The following SLC24A2 variants were observed in gnomAD, a reference collection of about 807,000 sequenced individuals.
SLC24A2 encodes the protein sodium/potassium/calcium exchanger 2.
In SLC24A2, 36 loss-of-function variants were observed where a neutral mutation model predicts 62.0. The observed-to-expected ratio is 0.58, with a 90% CI of 0.44 to 0.77. The LOEUF (loss-of-function observed/expected upper bound fraction) is 0.77. Among genes scored for constraint, SLC24A2 ranks in the 30% least tolerant of loss-of-function variants. The probability of loss-of-function intolerance (pLI) is 0.00; values close to 1 mark genes in which losing one functional copy is unlikely to be tolerated. For missense variants in SLC24A2, 846 were observed against 817.9 expected (o/e 1.03, Z -0.42); for synonymous variants, 358 against 294.0 (o/e 1.22, Z -2.23).
the SLC24A2 span, among the ~76,000 whole-genome samples, chr9:19,977,641 T>C: frequency 6.6e-6 from 1 of 152,198 alleles, no homozygotes; most frequent in African/African-American, 2.4e-5. Flanking sequence ...GCTGGACTCT[T>C]GATATTTCCT....
the SLC24A2 span, among the ~76,000 whole-genome samples, chr9:19,822,345 A>G: frequency 6.6e-6 from 1 of 152,164 alleles, no homozygotes; most frequent in South Asian, 2.1e-4. Flanking sequence ...GTGCTGGCTT[A>G]GACTAAAAAT....
chr9:19,729,664 G>C (rs1287932850), intron 2 of SLC24A2, among the ~76,000 whole-genome samples: 6 of 152,092 alleles, frequency 3.9e-5, no homozygotes. Flanking sequence ...GAAAAAAAGG[G>C]GGTGATCTCA....
chr9:19,898,531 A>G, the SLC24A2 span, among the ~76,000 whole-genome samples: 1 of 152,246 alleles, frequency 6.6e-6, no homozygotes, highest in African/African-American at 2.4e-5. Context: ...TCACGAGGTC[A>G]GGAGATTGAG....
chr9:19,751,473 G>A (rs560226908), intron 2 of SLC24A2, among the ~76,000 whole-genome samples: 61 of 152,258 alleles, frequency 4.0e-4, no homozygotes, highest in Middle Eastern at 6.8e-3. Flanking sequence ...AATTTTTGGT[G>A]GGCTGGGACC....
At chr9:19,726,904 T>C (rs1341807594) in intron 2 of SLC24A2, among the ~76,000 whole-genome samples, 3 of 152,202 alleles carry the variant, frequency 2.0e-5, no homozygotes, top group Non-Finnish European at 2.9e-5. Flanking sequence ...GGGTACATTT[T>C]GTTTTTTCCT....
chr9:19,661,368 C>T (rs1210668030), intron 2 of SLC24A2, among the ~76,000 whole-genome samples: 2 of 152,172 alleles, frequency 1.3e-5, no homozygotes, highest in African/African-American at 4.8e-5. Context: ...TCATTGACAT[C>T]TCTGCATAAA....
At chr9:20,277,759 A>T in the SLC24A2 span, among the ~76,000 whole-genome samples, 45 of 152,306 alleles carry the variant, frequency 3.0e-4, no homozygotes, top group African/African-American at 1.0e-3. Flanking sequence ...GGATTATAAA[A>T]CATGCTGCTA....
chr9:20,240,875 T>C, the SLC24A2 span, among the ~76,000 whole-genome samples: 3 of 152,176 alleles, frequency 2.0e-5, no homozygotes, highest in African/African-American at 7.2e-5. Context: ...GGAAGGTCTC[T>C]CATAACCAGT....
intron 2 of SLC24A2, among the ~76,000 whole-genome samples, chr9:19,678,202 C>T (rs1474491290): frequency 6.6e-6 from 1 of 152,140 alleles, no homozygotes; most frequent in East Asian, 1.9e-4. Context: ...TAACGGAAGC[C>T]CTCCATGGCT....
intron 7 of SLC24A2, among the ~76,000 whole-genome samples, chr9:19,569,049 G>A (rs1835760647): frequency 6.6e-6 from 1 of 152,118 alleles, no homozygotes; most frequent in Admixed American, 6.6e-5. Context: ...TACATGAAGA[G>A]CTTCTCATTC....
chr9:19,808,173 A>G, the SLC24A2 span, among the ~76,000 whole-genome samples: 498 of 152,336 alleles, frequency 3.3e-3, 3 homozygotes, highest in African/African-American at 1.0e-2. The surrounding 1 kb of genome is among the most constrained non-coding windows in gnomAD (Gnocchi z 4.1). Flanking sequence ...GTAGTTAAAC[A>G]TAGATTGTGC....
At chr9:19,825,835 C>A in the SLC24A2 span, among the ~76,000 whole-genome samples, 1 of 151,864 alleles carries the variant, frequency 6.6e-6, no homozygotes, top group East Asian at 1.9e-4. Context: ...ATACCAAAAT[C>A]AATTTTATCT....
chr9:19,603,910 C>T (rs1371642835), intron 4 of SLC24A2, among the ~76,000 whole-genome samples: 1 of 152,220 alleles, frequency 6.6e-6, no homozygotes, highest in East Asian at 1.9e-4. Context: ...ATGCCCCCAT[C>T]CCTAACGTTA....
chr9:19,605,943 A>G (rs1563993893), intron 4 of SLC24A2, among the ~76,000 whole-genome samples: 1 of 152,254 alleles, frequency 6.6e-6, no homozygotes, highest in Non-Finnish European at 1.5e-5. Context: ...GTGTCTGCTC[A>G]GTAACTAACT....
At chr9:20,293,645 G>A in the SLC24A2 span, among the ~76,000 whole-genome samples, 10 of 152,246 alleles carry the variant, frequency 6.6e-5, no homozygotes, top group Admixed American at 2.6e-4. Flanking sequence ...TTCACTGGGC[G>A]GGGTTTCTGC....
chr9:19,669,938 C>T (rs901329251), intron 2 of SLC24A2, among the ~76,000 whole-genome samples: 1 of 152,188 alleles, frequency 6.6e-6, no homozygotes, highest in Non-Finnish European at 1.5e-5. Context: ...CACAGTGCCC[C>T]CACATTGGAG....
chr9:19,763,860 T>A (rs1005160948), intron 2 of SLC24A2, among the ~76,000 whole-genome samples: 36 of 152,198 alleles, frequency 2.4e-4, no homozygotes, highest in Non-Finnish European at 4.1e-4. Context: ...TCTTTTTCTA[T>A]TGTTTGGAAT....
At chr9:19,531,396 T>A (rs967204178) in intron 8 of SLC24A2, among the ~76,000 whole-genome samples, 2 of 152,170 alleles carry the variant, frequency 1.3e-5, no homozygotes, top group African/African-American at 2.4e-5. Context: ...ATGGTTATAG[T>A]AATGGGGGTT....
chr9:19,528,917 ATAAAGTGTGAGCATTTT>A (rs111301715), intron 8 of SLC24A2, among the ~76,000 whole-genome samples: 62 of 152,306 alleles, frequency 4.1e-4, no homozygotes, highest in African/African-American at 1.4e-3. Flanking sequence ...TATCTCAGGC[ATAAAGTGTGAGCATTTT>A]TAAAGTTTCC....
Sources: gnomAD v4.1 joint callset for allele counts (sites outside exome capture counted in the v4.1 genomes callset) on GRCh38, gnomAD v4.1.1 for gene constraint, Gnocchi (gnomAD v3.1) non-coding constraint, MANE v1.5 for transcripts, NCBI Gene and HGNC (gene_info 2026-07-23, HGNC 2026-07-21) for gene names.